Variants in LHFPL3 observed in about 807,000 individuals in gnomAD.
LHFPL3 encodes the protein LHFPL tetraspan subfamily member 3 protein.
A neutral mutation model predicts 19.3 loss-of-function variants in LHFPL3; 5 were observed. That is an observed-to-expected ratio of 0.26 (90% confidence interval 0.14 to 0.54). The LOEUF is 0.54. Among genes scored for constraint, LHFPL3 ranks in the 20% least tolerant of loss-of-function variants. The probability of loss-of-function intolerance (pLI) is 0.94; values close to 1 mark genes in which losing one functional copy is unlikely to be tolerated. For synonymous variants in LHFPL3, 133 were observed against 126.2 expected, an observed-to-expected ratio of 1.05 and a Z score of -0.36; for missense variants, 249 against 307.4, an observed-to-expected ratio of 0.81 and a Z score of 1.42.
intron 1 of LHFPL3, among the ~76,000 whole-genome samples, chr7:104,331,503 G>A (rs2214089): frequency 0.58 from 88,754 of 152,014 alleles, 27,164 homozygotes; most frequent in African/African-American, 0.78. Flanking sequence ...GTCAAATAAG[G>A]ATCTGTCACT....
intron 1 of LHFPL3, among the ~76,000 whole-genome samples, chr7:104,611,555 T>G (rs1174266467): frequency 1.3e-5 from 2 of 152,120 alleles, no homozygotes; most frequent in East Asian, 1.9e-4. Context: ...GATGTTTAGC[T>G]CAACTCAGAA....
intron 1 of LHFPL3, among the ~76,000 whole-genome samples, chr7:104,475,083 C>G (rs2115632304): frequency 6.6e-6 from 1 of 152,300 alleles, no homozygotes; most frequent in South Asian, 2.1e-4. Context: ...TAACAGCGTT[C>G]TTTTCTGGGA....
chr7:104,645,003 C>G (rs1428611438), intron 1 of LHFPL3, among the ~76,000 whole-genome samples: 1 of 152,308 alleles, frequency 6.6e-6, no homozygotes, highest in African/African-American at 2.4e-5. Flanking sequence ...GACCTTGTCT[C>G]CACTGTGATC....
chr7:104,337,038 G>A (rs1327227583), intron 1 of LHFPL3, among the ~76,000 whole-genome samples: 1 of 151,838 alleles, frequency 6.6e-6, no homozygotes, highest in African/African-American at 2.4e-5. Flanking sequence ...TTAAGTGTTT[G>A]TAGACTCCTT....
chr7:104,906,306 T>G lies in LHFPL3; in HGVS notation c.*91T>G, dbSNP rs146703164. ...TTTGTACATCAACATCAAGAAGGAA[T>G]ACGCCTGAGAGAGATCAGAGTATAT... is the stretch of plus-strand genomic sequence containing the variant. On this transcript the variant is annotated 3_prime_UTR_variant, in exon 3 of 3. Transcript: ENST00000424859. The G allele has an allele frequency of 3.3e-4, 462 of 1,407,500 alleles. 2 individuals carry two copies. The African/African-American group carries it at 6.1e-3, about 18-fold the overall frequency. 87.2% of individuals were successfully genotyped at this position (1,407,500 alleles called of 1,614,324 possible). A position where few individuals can be genotyped will look rare whatever the true frequency, so the allele number is the denominator to read the frequency against.
intron 2 of LHFPL3, among the ~76,000 whole-genome samples, chr7:104,859,111 A>T (rs938743502): frequency 6.6e-6 from 1 of 150,976 alleles, no homozygotes; most frequent in African/African-American, 2.4e-5. Flanking sequence ...AAAAAAAAAT[A>T]CAAAAATTAG....
At chr7:104,519,949 T>C (rs1794015082) in intron 1 of LHFPL3, among the ~76,000 whole-genome samples, 1 of 151,986 alleles carries the variant, frequency 6.6e-6, no homozygotes, top group Non-Finnish European at 1.5e-5. Flanking sequence ...ATTGTCAAAG[T>C]CTTGGTGAAT....
At chr7:104,788,346 C>G (rs151065736) in intron 2 of LHFPL3, among the ~76,000 whole-genome samples, 56 of 152,326 alleles carry the variant, frequency 3.7e-4, no homozygotes, top group Non-Finnish European at 6.5e-4. Flanking sequence ...ATGCTCCCTC[C>G]TGAGTCCTGC....
chr7:104,496,469 C>T (rs1159008917), intron 1 of LHFPL3, among the ~76,000 whole-genome samples: 1 of 152,114 alleles, frequency 6.6e-6, no homozygotes, highest in East Asian at 1.9e-4. Context: ...ATTTATAATC[C>T]TTTGGGTATA....
intron 2 of LHFPL3, among the ~76,000 whole-genome samples, chr7:104,851,658 C>A (rs1404070748): frequency 6.6e-6 from 1 of 152,200 alleles, no homozygotes; most frequent in Non-Finnish European, 1.5e-5. Context: ...AGAAGAGATT[C>A]TTCTTCTGTA....
At chr7:104,767,659 C>A (rs956074978) in intron 2 of LHFPL3, among the ~76,000 whole-genome samples, 2 of 152,140 alleles carry the variant, frequency 1.3e-5, no homozygotes, top group African/African-American at 4.8e-5. Flanking sequence ...CCCAATCTTG[C>A]AACTTCCTCA....
At chr7:104,439,685 G>A (rs573464908) in intron 1 of LHFPL3, among the ~76,000 whole-genome samples, 2 of 152,122 alleles carry the variant, frequency 1.3e-5, no homozygotes, top group South Asian at 4.1e-4. Flanking sequence ...GGAAAAAAGT[G>A]AACTTACTCA....
intron 2 of LHFPL3, among the ~76,000 whole-genome samples, chr7:104,824,832 T>G (rs1174349820): frequency 7.8e-6 from 1 of 128,894 alleles, no homozygotes; most frequent in Admixed American, 9.7e-5. Context: ...ATTATATAAT[T>G]ATATATTATA....
At chr7:104,906,142 C>G in intron 2 of LHFPL3, 45 bp from the exon 3 acceptor site, 1 of 1,579,142 alleles carries the variant, frequency 6.3e-7, no homozygotes, top group Non-Finnish European at 8.6e-7. Context: ...TGTATTTTTT[C>G]TCTCCCCCCA....
chr7:104,592,560 C>T (rs1790748581), intron 1 of LHFPL3, among the ~76,000 whole-genome samples: 1 of 152,122 alleles, frequency 6.6e-6, no homozygotes, highest in South Asian at 2.1e-4. Flanking sequence ...GATCAGGGAC[C>T]CACTTGAGGC....
intron 2 of LHFPL3, among the ~76,000 whole-genome samples, chr7:104,842,298 G>A (rs565711330): frequency 1.4e-5 from 2 of 140,570 alleles, no homozygotes; most frequent in East Asian, 5.1e-4. Flanking sequence ...GCGGGGGTGG[G>A]GGGGTGGGGG....
chr7:104,739,433 A>G (rs1001634102), intron 2 of LHFPL3, among the ~76,000 whole-genome samples: 18 of 152,366 alleles, frequency 1.2e-4, no homozygotes, highest in African/African-American at 4.1e-4. Context: ...AATGTCATCA[A>G]TGCTATCTTC....
chr7:104,726,659 ATTTCAGTCCTT>A (rs1240143246), intron 1 of LHFPL3, among the ~76,000 whole-genome samples: 4 of 152,048 alleles, frequency 2.6e-5, no homozygotes, highest in Admixed American at 6.6e-5. Context: ...AAAAGACATG[ATTTCAGTCCTT>A]TTTATGGATG....
chr7:104,753,048 A>G (rs1248039293), intron 2 of LHFPL3, among the ~76,000 whole-genome samples: 1 of 152,226 alleles, frequency 6.6e-6, no homozygotes, highest in Non-Finnish European at 1.5e-5. Flanking sequence ...ATTTTTAACA[A>G]GCACATTTAA....
Sources: gnomAD v4.1 joint callset for allele counts (sites outside exome capture counted in the v4.1 genomes callset) on GRCh38, gnomAD v4.1.1 for gene constraint, MANE v1.5 for transcripts, NCBI Gene and HGNC (gene_info 2026-07-23, HGNC 2026-07-21) for gene names.